Variants in XKR3 observed in about 807,000 individuals in gnomAD.
XKR3 encodes XK-related protein 3.
In XKR3, 27 loss-of-function variants were observed where a neutral mutation model predicts 40.3. The ratio of observed to expected loss-of-function variants is 0.67; its 90% CI spans 0.49 to 0.92. The LOEUF (loss-of-function observed/expected upper bound fraction) is 0.92. Among genes scored for constraint, XKR3 ranks in the 40% least tolerant of loss-of-function variants. The pLI is 0.00. For missense variants in XKR3, 472 were observed against 537.6 expected, an observed-to-expected ratio of 0.88 and a Z score of 1.21; for synonymous variants, 193 against 195.4, an observed-to-expected ratio of 0.99 and a Z score of 0.10.
chr22:16,787,013 A>G (rs1305218259), intron 3 of XKR3, among the ~76,000 whole-genome samples: 1 of 152,152 alleles, frequency 6.6e-6, no homozygotes, highest in Non-Finnish European at 1.5e-5. Context: ...AACACAAACA[A>G]TTCAGAAATT....
chr22:16,803,320 G>C (rs1206066509), intron 2 of XKR3, among the ~76,000 whole-genome samples: 3 of 152,000 alleles, frequency 2.0e-5, no homozygotes, highest in East Asian at 3.9e-4. Context: ...CACCACACTA[G>C]AAAGCCACAC....
chr22:16,805,903 T>G (rs1224685723), intron 2 of XKR3, among the ~76,000 whole-genome samples: 1 of 152,058 alleles, frequency 6.6e-6, no homozygotes, highest in Admixed American at 6.6e-5. Flanking sequence ...AAAGAGACAG[T>G]AGGAGTGGAG....
chr22:16,795,831 G>A (rs2060138063), intron 3 of XKR3, among the ~76,000 whole-genome samples: 1 of 152,056 alleles, frequency 6.6e-6, no homozygotes. Context: ...ACCAGGCATG[G>A]TGGTACATGC....
intron 3 of XKR3, among the ~76,000 whole-genome samples, chr22:16,789,402 C>T (rs1396146026): frequency 1.3e-5 from 2 of 151,700 alleles, no homozygotes; most frequent in East Asian, 1.9e-4. Flanking sequence ...GAAAATAATC[C>T]CATTTACAAT....
chr22:16,809,288 A>G (rs1262562614), intron 1 of XKR3, among the ~76,000 whole-genome samples: 1 of 152,188 alleles, frequency 6.6e-6, no homozygotes, highest in Admixed American at 6.5e-5. Context: ...CCATTTTAAA[A>G]TATGTCCTCC....
intron 1 of XKR3, among the ~76,000 whole-genome samples, chr22:16,808,750 A>T (rs1178750272): frequency 1.3e-5 from 2 of 152,228 alleles, no homozygotes; most frequent in Admixed American, 6.5e-5. Flanking sequence ...CTCTGTAGAC[A>T]AACCGCCAGA....
intron 3 of XKR3, among the ~76,000 whole-genome samples, chr22:16,798,180 CA>C (rs59584234): frequency 1.4e-4 from 14 of 102,462 alleles, no homozygotes; most frequent in Non-Finnish European, 1.8e-4. Flanking sequence ...AACTCCATCT[CA>C]AAAAAAAAAA....
intron 3 of XKR3, 45 bp downstream of exon 3, chr22:16,799,726 T>C: frequency 6.2e-7 from 1 of 1,603,982 alleles, no homozygotes; most frequent in South Asian, 1.1e-5. Context: ...TTAGTACACT[T>C]TATTGACCTT....
rs115001911 is a variant in XKR3 at position 16,822,961 on chromosome 22, G to A, written c.-11+2330C>T. Among the ~76,000 whole-genome samples, 492 of 152,190 alleles carry A rather than the reference G, an allele frequency of 3.2e-3. 1 individual carries two copies. The highest frequency in any genetic ancestry group is 0.011 in the African/African-American group (445 of 41,508). ...TGCAGTGGCGTGACCTAGACTCACT[G>A]AAGCCTCAACCTCCAGGACTCAAAT... On this transcript the variant is annotated intron_variant, in intron 1 of 3. Coordinates refer to ENST00000684488, the MANE Select transcript of XKR3 (RefSeq NM_001386955.1).
intron 2 of XKR3, 46 bp from the exon 3 acceptor site, chr22:16,800,070 G>C (rs1264677570): frequency 6.3e-7 from 1 of 1,584,396 alleles, no homozygotes. Flanking sequence ...ATTGGTGACA[G>C]ACATCTAGAA....
At position 16,805,798 on chromosome 22, in the gene XKR3, C is replaced by CTGATTTTCAA. The variant is rs2060187074; in HGVS notation, c.335+1931_335+1940dup. On this transcript the variant is annotated intron_variant, in intron 2 of 3. Transcript: ENST00000684488. Reference sequence around the variant, plus strand: ...AATATACACTCATATTTACCGTCAGCTGATTTTCAACAAGGCTGCCAGGTC... The same window carrying CTGATTTTCAA: ...AATATACACTCATATTTACCGTCAGCTGATTTTCAATGATTTTCAACAAGGCTGCCAGGTC... Among the ~76,000 whole-genome samples the CTGATTTTCAA allele has an allele frequency of 1.3e-5, 2 of 152,152 alleles. 1 individual carries two copies. The highest frequency in any genetic ancestry group is 4.1e-4 in the South Asian group (2 of 4,826).
intron 3 of XKR3, among the ~76,000 whole-genome samples, chr22:16,788,488 A>G (rs1354286534): frequency 6.6e-6 from 1 of 152,156 alleles, no homozygotes; most frequent in Non-Finnish European, 1.5e-5. Flanking sequence ...CAAATCAGCA[A>G]TAAAAAGTTA....
chr22:16,797,551 G>A (rs1031359694), intron 3 of XKR3, among the ~76,000 whole-genome samples: 58 of 152,156 alleles, frequency 3.8e-4, no homozygotes, highest in African/African-American at 1.3e-3. Context: ...CCAGCACTTT[G>A]GGAGGCTGAG....
At chr22:16,811,266 T>C (rs2110436) in intron 1 of XKR3, among the ~76,000 whole-genome samples, 40,897 of 151,694 alleles carry the variant, frequency 0.27, 5,547 homozygotes, top group Middle Eastern at 0.33. Context: ...GGACCACAGG[T>C]GCCCACCACC....
rs368486803 is a variant in XKR3, at chr22:16,783,608, A to T, written c.*11T>A. 1 of 1,548,360 alleles carries T rather than the reference A, an allele frequency of 6.5e-7. No individual in the cohort carries two copies. Among genetic ancestry groups the T allele is most frequent in the Non-Finnish European group, 8.7e-7 (1 of 1,150,586 alleles). On this transcript the variant is annotated 3_prime_UTR_variant, in exon 4 of 4. Coordinates refer to ENST00000684488, the MANE Select transcript of XKR3 (RefSeq NM_001386955.1). ...TTTACTCATTGTTCTGTGAAAGTAT[A>T]TATGTATATTTTATGAACATGTCAT...
chr22:16,820,021 A>C (rs1012067171), intron 1 of XKR3, among the ~76,000 whole-genome samples: 80 of 152,332 alleles, frequency 5.3e-4, no homozygotes, highest in South Asian at 2.1e-4. Flanking sequence ...AATTTTAACA[A>C]GTAATGACAA....
At chr22:16,798,285 A>G (rs1287798595) in intron 3 of XKR3, among the ~76,000 whole-genome samples, 2 of 152,292 alleles carry the variant, frequency 1.3e-5, no homozygotes, top group East Asian at 1.9e-4. Context: ...TCACACCAGC[A>G]AAAATGGCTA....
At chr22:16,803,767 A>T (rs5748652) in intron 2 of XKR3, among the ~76,000 whole-genome samples, 3 of 151,964 alleles carry the variant, frequency 2.0e-5, no homozygotes, top group Non-Finnish European at 4.4e-5. Context: ...ATAAGGGCTA[A>T]AAAGGGGAGG....
chr22:16,813,802 G>A (rs1045109331), intron 1 of XKR3, among the ~76,000 whole-genome samples: 4 of 152,176 alleles, frequency 2.6e-5, no homozygotes, highest in South Asian at 2.1e-4. Flanking sequence ...ATTGGATGAG[G>A]TTCCCAATTT....
Sources: allele counts gnomAD v4.1 joint callset (sites outside exome capture counted in the v4.1 genomes callset), GRCh38; gene constraint gnomAD v4.1.1; transcripts MANE v1.5; gene names NCBI Gene and HGNC (gene_info 2026-07-23, HGNC 2026-07-21).